Variants in SLAIN1 observed in about 807,000 individuals in gnomAD.
SLAIN1 encodes the protein SLAIN family member 1, also known as SLAIN motif-containing protein 1.
Under a neutral mutation model 55.4 loss-of-function variants are expected in SLAIN1, and 17 were observed. The observed-to-expected ratio is 0.31, with a 90% CI of 0.21 to 0.46. The LOEUF is 0.46. SLAIN1 is among the 20% of genes least tolerant of loss of function. The pLI is 1.00. For missense variants in SLAIN1, 682 were observed against 785.1 expected (o/e 0.87, Z 1.57); for synonymous variants, 348 against 337.4 (o/e 1.03, Z -0.35).
At chr13:77,723,810 T>C (rs1354657698) in intron 2 of SLAIN1, among the ~76,000 whole-genome samples, 1 of 152,166 alleles carries the variant, frequency 6.6e-6, no homozygotes, top group Non-Finnish European at 1.5e-5. Flanking sequence ...GCCCTTGTTT[T>C]CTCTATTCTT....
intron 1 of SLAIN1, among the ~76,000 whole-genome samples, chr13:77,709,588 G>A (rs923596868): frequency 6.6e-5 from 10 of 152,262 alleles, no homozygotes; most frequent in Middle Eastern, 3.4e-3. Flanking sequence ...GAAGAGAGTG[G>A]GGGCCAATAT....
chr13:77,721,327 G>C (rs2091260327), intron 2 of SLAIN1, among the ~76,000 whole-genome samples: 1 of 152,132 alleles, frequency 6.6e-6, no homozygotes, highest in Non-Finnish European at 1.5e-5. Flanking sequence ...ATGGGGAACT[G>C]TGAATCAATT....
Position 77,698,675 on chromosome 13 carries a change from C to T in SLAIN1, c.626+136C>T. On this transcript the variant is annotated intron_variant, in intron 1 of 6. Coordinates refer to ENST00000418532, the MANE Select transcript of SLAIN1 (RefSeq NM_001242868.2). This position sits in a 1 kb window ranked among gnomAD's most constrained non-coding sequence, Gnocchi z 4.1. The stretch of plus-strand genomic sequence containing the variant: ...CCCCGCGGCTCCCGGAGGGGCCGAC[C>T]CAGCAGGTGTTGAGCCAGGCGGTGA... The T allele has an allele frequency of 7.9e-7, 1 of 1,260,212 alleles. No individual in the cohort carries two copies. 78.1% of individuals were successfully genotyped at this position (1,260,212 alleles called of 1,614,324 possible).
intron 2 of SLAIN1, among the ~76,000 whole-genome samples, chr13:77,722,248 C>G (rs184001678): frequency 2.0e-3 from 301 of 152,178 alleles, no homozygotes; most frequent in African/African-American, 7.0e-3. Flanking sequence ...AAACTCAAAA[C>G]TTCTTTTGCT....
intron 2 of SLAIN1, among the ~76,000 whole-genome samples, chr13:77,740,018 T>C (rs1873337196): frequency 6.6e-6 from 1 of 152,022 alleles, no homozygotes; most frequent in African/African-American, 2.4e-5. Context: ...TAGAAGATGA[T>C]TGTCAGACAA....
Position 77,746,760 on chromosome 13 carries a change from GT to G in SLAIN1, c.1165del (p.Ser389ProfsTer41), listed in dbSNP as rs767368265. ...ATTCGGGAGTGTAGGAGGAGCCCCAGTTCCCAGTATTTTCCTTCAAATAATT... is the reference window on the plus strand; with the variant it reads ...ATTCGGGAGTGTAGGAGGAGCCCCAGTCCCAGTATTTTCCTTCAAATAATT... ...SSIRECRRSP[S>X]SQYFPSNNYQ... On this transcript the variant is annotated frameshift_variant, in exon 4 of 7. Coordinates refer to ENST00000418532, the MANE Select transcript of SLAIN1 (RefSeq NM_001242868.2). LOFTEE classifies it high-confidence loss of function. The G allele has an allele frequency of 6.2e-7, 1 of 1,613,798 alleles. No homozygotes were observed. Among genetic ancestry groups the G allele is most frequent in the Non-Finnish European group, 8.5e-7 (1 of 1,179,816 alleles).
chr13:77,728,008 A>G (rs1159138567), intron 2 of SLAIN1, among the ~76,000 whole-genome samples: 2 of 152,294 alleles, frequency 1.3e-5, no homozygotes, highest in African/African-American at 4.8e-5. Context: ...CTACCTACAA[A>G]TACAGGTATT....
chr13:77,705,704 A>C (rs2091082856), intron 1 of SLAIN1, among the ~76,000 whole-genome samples: 1 of 151,162 alleles, frequency 6.6e-6, no homozygotes, highest in Non-Finnish European at 1.5e-5. Context: ...GTACTCAAGG[A>C]GTTTTTAGCC....
rs781476716 is a variant in SLAIN1, at chr13:77,761,040, C to G, written c.1627C>G (p.Leu543Val). ...TTCTGGGATAATGGGTCGCAGTGCA[C>G]TCCCAAGACCTTCGTTGGCAATAAA... is the stretch of plus-strand genomic sequence containing the variant. ...AASGIMGRSA[L>V]PRPSLAINGS... Residue 543 changes from leucine (L) to valine (V), a missense_variant, in exon 6 of 7, where the codon CTC becomes GTC. This residue lies in a region of SLAIN1 where 244 missense variants were observed against 295.2 expected (regional missense o/e 0.83). Coordinates refer to ENST00000418532, the MANE Select transcript of SLAIN1 (RefSeq NM_001242868.2). 35 of 1,614,090 alleles carry G rather than the reference C, an allele frequency of 2.2e-5. No individual in the cohort carries two copies. The highest frequency in any genetic ancestry group is 1.6e-4 in the Middle Eastern group (1 of 6,084).
intron 2 of SLAIN1, among the ~76,000 whole-genome samples, chr13:77,740,224 A>G (rs1421429524): frequency 6.6e-6 from 1 of 152,092 alleles, no homozygotes; most frequent in African/African-American, 2.4e-5. Flanking sequence ...GTTAAAATAC[A>G]TGACATTCAG....
intron 1 of SLAIN1, among the ~76,000 whole-genome samples, chr13:77,700,422 A>G (rs2091019276): frequency 6.6e-6 from 1 of 152,208 alleles, no homozygotes; most frequent in Non-Finnish European, 1.5e-5. Context: ...ATGGCAGAGA[A>G]TCTTCCTGAA....
At position 77,719,605 on chromosome 13, in the gene SLAIN1, G is replaced by A; in HGVS notation, c.700G>A (p.Val234Ile). 1.1e-5 allele frequency: 18 copies of A among 1,613,462 alleles called. No individual in the cohort carries two copies. The highest frequency in any genetic ancestry group is 1.5e-5 in the Non-Finnish European group (18 of 1,179,604). Residue 234 changes from valine to isoleucine, a missense_variant, in exon 2 of 7, where the codon GTC becomes ATC. By Grantham distance (29) the Val-to-Ile change is conservative (BLOSUM62 3). Transcript: ENST00000418532. ...SLTPLQWCRH[V>I]LDNPTPEMEA... is the part of the protein sequence containing the mutation. ...GACTCCTTTGCAGTGGTGTAGACAT[G>A]TCCTAGATAACCCAACTCCTGAGAT...
chr13:77,714,629 A>C (rs1294499400), intron 1 of SLAIN1, among the ~76,000 whole-genome samples: 1 of 152,098 alleles, frequency 6.6e-6, no homozygotes, highest in African/African-American at 2.4e-5. Context: ...GAACAAACAA[A>C]ACCACAAAGC....
intron 1 of SLAIN1, chr13:77,699,321 T>TTC (rs1381826027): frequency 4.1e-6 from 1 of 246,406 alleles, no homozygotes; most frequent in East Asian, 8.0e-5. Context: ...AAAAGTGAGA[T>TTC]TAGAGAAGCC....
chr13:77,738,198 A>C (rs892095613), intron 2 of SLAIN1, among the ~76,000 whole-genome samples: 11 of 146,402 alleles, frequency 7.5e-5, no homozygotes, highest in Non-Finnish European at 1.2e-4. Context: ...ACACACACCC[A>C]CACACACACA....
intron 2 of SLAIN1, among the ~76,000 whole-genome samples, chr13:77,737,953 A>G (rs1177935349): frequency 6.6e-6 from 1 of 152,092 alleles, no homozygotes; most frequent in Non-Finnish European, 1.5e-5. Flanking sequence ...GCCTATTCAA[A>G]TGAATAGAGA....
chr13:77,734,904 C>T (rs1259604689), intron 2 of SLAIN1, among the ~76,000 whole-genome samples: 5 of 152,124 alleles, frequency 3.3e-5, no homozygotes, highest in African/African-American at 9.6e-5. Context: ...TCTGTAGTCC[C>T]AGCTACTCAG....
chr13:77,701,995 C>A (rs1248675974), intron 1 of SLAIN1, among the ~76,000 whole-genome samples: 2 of 143,568 alleles, frequency 1.4e-5, no homozygotes, highest in African/African-American at 5.2e-5. Context: ...TCAATTCCCA[C>A]CTATGAGTGA....
chr13:77,758,342 G>T (rs936710837), intron 5 of SLAIN1, among the ~76,000 whole-genome samples: 1 of 151,784 alleles, frequency 6.6e-6, no homozygotes, highest in Non-Finnish European at 1.5e-5. Flanking sequence ...TTTATCAGAT[G>T]CATAGTTTGC....
Sources: gnomAD v4.1 joint callset for allele counts (sites outside exome capture counted in the v4.1 genomes callset) on GRCh38, gnomAD v4.1.1 for gene constraint, gnomAD v4.1.1 regional missense constraint, Gnocchi (gnomAD v3.1) non-coding constraint, MANE v1.5 for transcripts, NCBI Gene and HGNC (gene_info 2026-07-23, HGNC 2026-07-21) for gene names.